ATG5: variants seen among roughly 807,000 people sequenced by gnomAD.
ATG5 encodes the protein autophagy related 5.
ATG5 carries 14 observed loss-of-function variants against 36.5 expected under a neutral mutation model. That is an observed-to-expected ratio of 0.38 (90% confidence interval 0.25 to 0.60). The LOEUF is 0.60. ATG5 is among the 20% of genes least tolerant of loss of function. The probability of loss-of-function intolerance (pLI) is 0.60; values close to 1 mark genes in which losing one functional copy is unlikely to be tolerated. For synonymous variants in ATG5, 95 were observed against 101.5 expected, an observed-to-expected ratio of 0.94 and a Z score of 0.38; for missense variants, 195 against 326.7, an observed-to-expected ratio of 0.60 and a Z score of 3.11.
At chr6:106,275,069 G>A (rs959282417) in intron 5 of ATG5, among the ~76,000 whole-genome samples, 1 of 152,128 alleles carries the variant, frequency 6.6e-6, no homozygotes, top group Non-Finnish European at 1.5e-5. Flanking sequence ...ATATACACAA[G>A]GTGCTCAATA....
intron 1 of ATG5, among the ~76,000 whole-genome samples, chr6:106,321,637 C>T (rs1468115592): frequency 6.6e-6 from 1 of 152,130 alleles, no homozygotes; most frequent in Non-Finnish European, 1.5e-5. Flanking sequence ...GGATTACAGG[C>T]GTGAGCCACC....
chr6:106,311,587 T>A (rs1302133675), intron 2 of ATG5, among the ~76,000 whole-genome samples: 1 of 152,154 alleles, frequency 6.6e-6, no homozygotes, highest in African/African-American at 2.4e-5. Context: ...AGATGCTGAA[T>A]ATGATAGGAA....
At chr6:106,196,369 G>A (rs914433415) in intron 7 of ATG5, among the ~76,000 whole-genome samples, 1 of 152,102 alleles carries the variant, frequency 6.6e-6, no homozygotes, top group African/African-American at 2.4e-5. Context: ...TAGTAAAGTG[G>A]AAAAACCAAA....
chr6:106,251,648 G>GAGA (rs1215570168), intron 5 of ATG5, among the ~76,000 whole-genome samples: 2 of 252 alleles, frequency 7.9e-3, no homozygotes, highest in Non-Finnish European at 0.015. Flanking sequence ...AGAGAGAGAG[G>GAGA]GAGGGAGGGA....
Position 106,186,430 on chromosome 6 carries a change from G to C in ATG5, c.*110C>G, listed in dbSNP as rs147026203. 3.2e-5 allele frequency: 41 copies of C among 1,296,900 alleles called. No homozygotes were observed. Among genetic ancestry groups the C allele is most frequent in the Non-Finnish European group, 4.1e-5 (38 of 929,750 alleles). The allele number at this position is 1,296,900 out of a possible 1,614,324, so 80.3% of individuals were successfully genotyped here. A position where few individuals can be genotyped will look rare whatever the true frequency, so the allele number is the denominator to read the frequency against. On this transcript the variant is annotated 3_prime_UTR_variant, in exon 8 of 8. Transcript: ENST00000369076. ...TTTTTCCTGTCTGGCTTGCAGCAGC[G>C]AAGTGTTTCTGGTCAGGTTGCCTCC...
At position 106,279,683 on chromosome 6, in the gene ATG5, T is replaced by C. The variant is rs745734866; in HGVS notation, c.456A>G (p.Gln152=). 2 of 1,599,920 alleles carry C rather than the reference T, an allele frequency of 1.3e-6. No individual in the cohort carries two copies. The highest frequency in any genetic ancestry group is 8.5e-7 in the Non-Finnish European group (1 of 1,174,418). The change falls in exon 5 of 8, where the codon CAA becomes CAG. Residue 152 remains glutamine (Q), a synonymous_variant. Coordinates refer to ENST00000369076, the MANE Select transcript of ATG5 (RefSeq NM_004849.4). Reference sequence around the variant, plus strand: ...TACCATTTTGCAATCCCATCCAGAGTTGCTTGTGATCTTTTTTCTGCATTT... The same window carrying C: ...TACCATTTTGCAATCCCATCCAGAGCTGCTTGTGATCTTTTTTCTGCATTT... The part of the protein sequence containing the change: ...INEMQKKDHK[Q]LWMGLQNDRF...
chr6:106,233,063 T>C (rs1777752624), intron 6 of ATG5, among the ~76,000 whole-genome samples: 1 of 152,230 alleles, frequency 6.6e-6, no homozygotes, highest in Non-Finnish European at 1.5e-5. Context: ...TTTTTACTTT[T>C]AGCCGCCAGT....
chr6:106,243,526 T>TGG (rs564642449), intron 6 of ATG5, among the ~76,000 whole-genome samples: 10 of 136,224 alleles, frequency 7.3e-5, no homozygotes, highest in African/African-American at 3.0e-4. Flanking sequence ...AGACCCTCTC[T>TGG]GGGGAAAAAA....
intron 5 of ATG5, among the ~76,000 whole-genome samples, chr6:106,252,165 A>G (rs964639120): frequency 6.6e-6 from 1 of 152,182 alleles, no homozygotes; most frequent in African/African-American, 2.4e-5. Flanking sequence ...TAAGTAGGAG[A>G]AAATTAAAAC....
At chr6:106,307,823 T>C (rs1054913870) in intron 3 of ATG5, among the ~76,000 whole-genome samples, 24 of 152,056 alleles carry the variant, frequency 1.6e-4, no homozygotes, top group African/African-American at 5.8e-4. Context: ...GTAGTATCTG[T>C]TCTTATCAGT....
chr6:106,214,875 AAAG>A (rs1562215820), intron 6 of ATG5, among the ~76,000 whole-genome samples: 1 of 152,210 alleles, frequency 6.6e-6, no homozygotes, highest in Non-Finnish European at 1.5e-5. Context: ...ACTAGCCAAA[AAAG>A]AAGCTTCATA....
intron 3 of ATG5, among the ~76,000 whole-genome samples, chr6:106,294,715 C>G (rs1432275772): frequency 6.6e-6 from 1 of 151,156 alleles, no homozygotes; most frequent in Non-Finnish European, 1.5e-5. Context: ...TGATGGCACA[C>G]ACCTGCAGCC....
intron 5 of ATG5, among the ~76,000 whole-genome samples, chr6:106,257,063 T>C (rs1186667232): frequency 2.0e-5 from 3 of 152,178 alleles, no homozygotes; most frequent in Non-Finnish European, 4.4e-5. Context: ...GACTTTTTGT[T>C]AAAAACTAAG....
Position 106,293,072 on chromosome 6 carries a change from C to A in ATG5, c.271G>T (p.Ala91Ser), listed in dbSNP as rs768642298. Reference protein sequence around the residue: ...YPIGLLFDLLASSSALPWNIT... With the variant: ...YPIGLLFDLLSSSSALPWNIT... ...TTCCAAGGAAGAGCTGAACTTGATG[C>A]AAGAAGATCAAATAGCAAACCAATT... Residue 91 changes from alanine (A) to serine (S), a missense_variant, in exon 4 of 8, where the codon GCA becomes TCA. Physicochemically the swap from Ala to Ser is moderately conservative, Grantham distance 99. Transcript: ENST00000369076. The A allele has an allele frequency of 5.0e-6, 8 of 1,613,272 alleles. No homozygotes were observed. The Admixed American group carries it at 1.3e-4, about 27-fold the overall frequency.
intron 5 of ATG5, among the ~76,000 whole-genome samples, chr6:106,274,504 A>T (rs1475738818): frequency 6.6e-6 from 1 of 152,218 alleles, no homozygotes; most frequent in African/African-American, 2.4e-5. Flanking sequence ...CTACAAGTGC[A>T]GTTCTAAATG....
chr6:106,273,680 CAATA>C (rs925803364), intron 5 of ATG5, among the ~76,000 whole-genome samples: 2 of 152,104 alleles, frequency 1.3e-5, no homozygotes, highest in African/African-American at 2.4e-5. Context: ...AGAGACACAG[CAATA>C]AATAAATAGA....
chr6:106,198,424 T>TA (rs915609780), intron 7 of ATG5, among the ~76,000 whole-genome samples: 3 of 151,858 alleles, frequency 2.0e-5, no homozygotes, highest in South Asian at 2.1e-4. Context: ...CACAATCCAT[T>TA]AAAAAAAACT....
chr6:106,228,180 T>C (rs1777520039), intron 6 of ATG5, among the ~76,000 whole-genome samples: 1 of 152,196 alleles, frequency 6.6e-6, no homozygotes, highest in Non-Finnish European at 1.5e-5. Flanking sequence ...GGAGCTCTGT[T>C]TTCACTCTAT....
At chr6:106,264,362 C>A (rs1319996018) in intron 5 of ATG5, among the ~76,000 whole-genome samples, 3 of 151,292 alleles carry the variant, frequency 2.0e-5, no homozygotes, top group East Asian at 1.9e-4. Flanking sequence ...ACCAAACTTA[C>A]AATCGGTGTA....
Sources: gnomAD v4.1 joint callset for allele counts (sites outside exome capture counted in the v4.1 genomes callset) on GRCh38, gnomAD v4.1.1 for gene constraint, MANE v1.5 for transcripts, NCBI Gene and HGNC (gene_info 2026-07-23, HGNC 2026-07-21) for gene names.